The following UQCC1 variants were observed in gnomAD, a reference collection of about 807,000 sequenced individuals.
UQCC1 encodes bFGF-repressed Zic-binding protein.
UQCC1 carries 38 observed loss-of-function variants against 48.0 expected under a neutral mutation model. The ratio of observed to expected loss-of-function variants is 0.79; its 90% CI spans 0.61 to 1.04. UQCC1 has a LOEUF of 1.04. Among genes scored for constraint, UQCC1 ranks in the 50% least tolerant of loss-of-function variants. The pLI is 0.00. For synonymous variants in UQCC1, 111 were observed against 129.2 expected (o/e 0.86, Z 0.95); for missense variants, 368 against 381.8 (o/e 0.96, Z 0.30).
At chr20:35,397,286 C>G (rs1051764169) in intron 1 of UQCC1, among the ~76,000 whole-genome samples, 1 of 151,612 alleles carries the variant, frequency 6.6e-6, no homozygotes, top group African/African-American at 2.4e-5. Context: ...GAGGCCGAGG[C>G]TGGCGGATCA....
chr20:35,338,879 A>AT (rs1378157708), intron 7 of UQCC1, among the ~76,000 whole-genome samples: 12 of 77,274 alleles, frequency 1.6e-4, no homozygotes, highest in African/African-American at 9.9e-4. Flanking sequence ...AAAAAAAAAA[A>AT]AAAAAAAAAA....
chr20:35,355,715 A>T (rs746711809), intron 6 of UQCC1, among the ~76,000 whole-genome samples: 9 of 152,100 alleles, frequency 5.9e-5, no homozygotes, highest in African/African-American at 9.7e-5. Flanking sequence ...TCCTACCTTC[A>T]TCCCCTGCCA....
In UQCC1 at chr20:35,316,458, G is replaced by A. The variant is rs1378021079; in HGVS notation, c.574-1693C>T. On this transcript the variant is annotated intron_variant, in intron 7 of 9. Coordinates refer to ENST00000374385, the MANE Select transcript of UQCC1 (RefSeq NM_018244.5). ...TACAGTCTGCCAGGGTTCTGCTTCT[G>A]GGAGGATAATTTTACTTTGGGTCAC... 2.0e-5 allele frequency among the ~76,000 whole-genome samples: 3 copies of A among 152,136 alleles called. No homozygotes were observed. In the East Asian group the frequency reaches 5.8e-4, roughly 29 times the overall value.
At chr20:35,410,704 C>CAA (rs1183843739) in intron 1 of UQCC1, among the ~76,000 whole-genome samples, 46 of 2,710 alleles carry the variant, frequency 0.017, 7 homozygotes, top group Non-Finnish European at 0.023. Flanking sequence ...GACTCTGCCT[C>CAA]AAAAAAAAAA....
intron 7 of UQCC1, among the ~76,000 whole-genome samples, chr20:35,321,785 G>T (rs763921680): frequency 9.9e-5 from 15 of 152,202 alleles, no homozygotes; most frequent in Non-Finnish European, 2.1e-4. Context: ...TGCATAGCCT[G>T]ATAATGTGCT....
intron 7 of UQCC1, among the ~76,000 whole-genome samples, chr20:35,339,787 T>C (rs1568666848): frequency 6.6e-6 from 1 of 152,180 alleles, no homozygotes; most frequent in Non-Finnish European, 1.5e-5. Context: ...AAAGGGTGTG[T>C]ATATGTATGG....
intron 6 of UQCC1, among the ~76,000 whole-genome samples, chr20:35,357,205 C>T (rs1191474626): frequency 6.0e-5 from 9 of 151,134 alleles, no homozygotes; most frequent in East Asian, 1.9e-4. Context: ...GACAACATGA[C>T]GAAACCTCAT....
rs1160581403 is a variant in UQCC1, at chr20:35,408,560, C to A, written c.24+3380G>T. On this transcript the variant is annotated intron_variant, in intron 1 of 9. Transcript: ENST00000374385. ...GGAAAACAGTAGGACAATTCCTCAA[C>A]AAATTAAACAGGCTGGACATAGTGG... is the stretch of plus-strand genomic sequence containing the variant. Among the ~76,000 whole-genome samples the A allele has an allele frequency of 2.0e-5, 3 of 152,046 alleles. No individual in the cohort carries two copies. The East Asian group carries it at 5.8e-4, about 29-fold the overall frequency.
At chr20:35,361,424 A>G (rs551981319) in intron 6 of UQCC1, among the ~76,000 whole-genome samples, 10 of 152,000 alleles carry the variant, frequency 6.6e-5, no homozygotes, top group Non-Finnish European at 1.0e-4. Flanking sequence ...CATTGCACCT[A>G]TCACAGTTGT....
At chr20:35,314,805 G>C (rs1419964130) in intron 7 of UQCC1, 40 bp from the exon 8 acceptor site, 5 of 1,545,100 alleles carry the variant, frequency 3.2e-6, no homozygotes, top group Non-Finnish European at 4.4e-6. Flanking sequence ...TTGAAAGAAA[G>C]AAAGAAAAAA....
At chr20:35,310,802 C>A (rs1435697311) in intron 8 of UQCC1, among the ~76,000 whole-genome samples, 1 of 147,506 alleles carries the variant, frequency 6.8e-6, no homozygotes, top group Non-Finnish European at 1.5e-5. Context: ...ATGCCATTCT[C>A]CTGCCTCAGC....
rs1402100112 is a variant in UQCC1 at position 35,384,100 on chromosome 20, C to T, written c.163G>A (p.Gly55Arg). The change falls in exon 3 of 10, where the codon GGA becomes AGA. Residue 55 changes from glycine to arginine, a missense_variant. Physicochemically the swap from Gly to Arg is moderately radical, Grantham distance 125 (BLOSUM62 -2). Transcript: ENST00000374385. ...TCTATTCCAGGAATCTGTTCTGATC[C>T]ACCACATGCTCGGGACTGGCTCATC... ...PQMSQSRACG[G>R]SEQIPGIDIQ... 8 of 1,613,138 alleles carry T rather than the reference C, an allele frequency of 5.0e-6. No individual in the cohort carries two copies. The East Asian group carries it at 1.1e-4, about 22-fold the overall frequency.
chr20:35,332,056 A>G (rs1357148112), intron 7 of UQCC1, among the ~76,000 whole-genome samples: 2 of 152,204 alleles, frequency 1.3e-5, no homozygotes, highest in Non-Finnish European at 1.5e-5. Flanking sequence ...ATTAGAACCT[A>G]TGTCTGTCTG....
intron 6 of UQCC1, among the ~76,000 whole-genome samples, chr20:35,356,696 A>G (rs1434723070): frequency 6.6e-6 from 1 of 152,200 alleles, no homozygotes; most frequent in Non-Finnish European, 1.5e-5. Context: ...AACCTAGACA[A>G]TCTGATCCCA....
At chr20:35,401,410 A>T (rs2062162999) in intron 1 of UQCC1, among the ~76,000 whole-genome samples, 1 of 152,212 alleles carries the variant, frequency 6.6e-6, no homozygotes, top group Non-Finnish European at 1.5e-5. Context: ...ATGGCACTAA[A>T]CAGGCCATGA....
intron 1 of UQCC1, among the ~76,000 whole-genome samples, chr20:35,405,161 A>G (rs1228355129): frequency 1.3e-5 from 2 of 152,188 alleles, no homozygotes; most frequent in Admixed American, 6.5e-5. Flanking sequence ...CAGAGCCCCA[A>G]AGCAAAAACT....
In UQCC1 at chr20:35,372,300, T is replaced by C. The variant is rs186881807; in HGVS notation, c.406+1884A>G. On this transcript the variant is annotated intron_variant, in intron 5 of 9. Transcript: ENST00000374385. ...GTCCAGCCTGGGTGACAGATTGAGA[T>C]TCTGTCTCAAAAAAAAAAAAAGAAA... 2.8e-3 allele frequency among the ~76,000 whole-genome samples: 419 copies of C among 150,896 alleles called. 1 individual carries two copies. The highest frequency in any genetic ancestry group is 9.8e-3 in the African/African-American group (402 of 41,176).
chr20:35,355,094 G>A (rs1432764040), intron 6 of UQCC1, among the ~76,000 whole-genome samples: 4 of 152,126 alleles, frequency 2.6e-5, no homozygotes, highest in African/African-American at 4.8e-5. Context: ...GAAGGAAACA[G>A]GAGGACCCAG....
intron 1 of UQCC1, 60 bp from the exon 2 acceptor site, chr20:35,394,256 A>T: frequency 7.1e-7 from 1 of 1,414,832 alleles, no homozygotes; most frequent in African/African-American, 1.4e-5. Flanking sequence ...CATGGAAGGC[A>T]AAGAGTGTAC....
Sources: gnomAD v4.1 joint callset for allele counts (sites outside exome capture counted in the v4.1 genomes callset) on GRCh38, gnomAD v4.1.1 for gene constraint, MANE v1.5 for transcripts, NCBI Gene and HGNC (gene_info 2026-07-23, HGNC 2026-07-21) for gene names.